Variants in MTCL1 observed in about 807,000 individuals in gnomAD.
MTCL1 encodes microtubule cross-linking factor 1.
In MTCL1, 79 loss-of-function variants were observed where a neutral mutation model predicts 141.4. The observed-to-expected ratio is 0.56, with a 90% CI of 0.47 to 0.67. MTCL1 has a LOEUF of 0.67. Ranked by LOEUF, MTCL1 falls within the 30% of genes least tolerant of loss-of-function variation. MTCL1 has a pLI of 0.00. For missense variants in MTCL1, 2,177 were observed against 2,113.9 expected, an observed-to-expected ratio of 1.03 and a Z score of -0.59; for synonymous variants, 914 against 875.8, an observed-to-expected ratio of 1.04 and a Z score of -0.77.
At chr18:8,727,151 CG>C (rs1262339971) in intron 4 of MTCL1, among the ~76,000 whole-genome samples, 3 of 152,088 alleles carry the variant, frequency 2.0e-5, no homozygotes, top group Non-Finnish European at 4.4e-5. Flanking sequence ...TTTATTGCTG[CG>C]TAGTATTCCA....
chr18:8,731,522 C>T lies in MTCL1; in HGVS notation c.357+11026C>T, dbSNP rs183064471. ...CTGGGAGGCAGAGGTTGCAGTGAGC[C>T]AAGATCGCGTCATCGCACTCCAGCC... is the stretch of plus-strand genomic sequence containing the variant. On this transcript the variant is annotated intron_variant, in intron 4 of 16. Transcript: ENST00000359865. 4.0e-3 allele frequency among the ~76,000 whole-genome samples: 612 copies of T among 151,764 alleles called. 6 individuals are homozygous for T. The highest frequency in any genetic ancestry group is 0.014 in the African/African-American group (585 of 41,444).
At chr18:8,714,842 G>T (rs1291545514), upstream of MTCL1, among the ~76,000 whole-genome samples, 1 of 151,884 alleles carries the variant, frequency 6.6e-6, no homozygotes, top group Non-Finnish European at 1.5e-5. Flanking sequence ...CATCGCCCAG[G>T]CTGGAGTGCA....
At chr18:8,769,768 A>G (rs2096477074) in intron 4 of MTCL1, among the ~76,000 whole-genome samples, 1 of 151,816 alleles carries the variant, frequency 6.6e-6, no homozygotes, top group Non-Finnish European at 1.5e-5. Context: ...TCATGGCCCC[A>G]CTCTTCTTTA....
At chr18:8,745,182 T>G (rs949520330) in intron 4 of MTCL1, among the ~76,000 whole-genome samples, 4 of 152,340 alleles carry the variant, frequency 2.6e-5, no homozygotes, top group Admixed American at 2.0e-4. Context: ...TTATGTAAAC[T>G]AAATAATTTA....
In MTCL1 at chr18:8,720,870, A is replaced by G. The variant is rs528313978; in HGVS notation, c.357+374A>G. 1.3e-4 allele frequency among the ~76,000 whole-genome samples: 19 copies of G among 150,914 alleles called. No homozygotes were observed. The East Asian group carries it at 3.7e-3, about 29-fold the overall frequency. The stretch of plus-strand genomic sequence containing the variant: ...ACCATTAATTCCTTTGATGTGTCCA[A>G]GTGGAGCCTATTATTGCTAGAATAC... On this transcript the variant is annotated intron_variant, in intron 4 of 16. Transcript: ENST00000359865.
At chr18:8,801,630 A>G (rs1364596428) in intron 10 of MTCL1, 1 of 152,296 alleles carries the variant, frequency 6.6e-6, no homozygotes, top group South Asian at 2.1e-4. Flanking sequence ...AGAGTTAACC[A>G]TGGCCTGCAG....
At chr18:8,716,891 A>G (rs2096131747), upstream of MTCL1, among the ~76,000 whole-genome samples, 1 of 152,144 alleles carries the variant, frequency 6.6e-6, no homozygotes, top group Non-Finnish European at 1.5e-5. Flanking sequence ...CTCCTTCCAA[A>G]TTGTTCCTCC....
At position 8,705,961 on chromosome 18, in the gene MTCL1, A is replaced by G; in HGVS notation, c.301A>G (p.Ser101Gly). The change falls in exon 1 of 14, where the codon AGT becomes GGT. Residue 101 changes from serine to glycine, a missense_variant. Coordinates refer to the MTCL1 transcript ENST00000306329. This position sits in a 1 kb window ranked among gnomAD's most constrained non-coding sequence, Gnocchi z 5.2. ...CGCGCCCGGCCGCCTCTCTCGGCGC[A>G]GTGGCGGCGTCCCGGGCGCGAAGGA... 2 of 1,112,652 alleles carry G rather than the reference A, an allele frequency of 1.8e-6. No homozygotes were observed. Among genetic ancestry groups the G allele is most frequent in the Non-Finnish European group, 2.2e-6 (2 of 914,538 alleles). The allele number at this position is 1,112,652 out of a possible 1,614,324, so 68.9% of individuals were successfully genotyped here.
exon 15 of MTCL1, chr18:8,826,169 G>C (rs763449523): frequency 1.2e-6 from 2 of 1,612,280 alleles, no homozygotes; most frequent in African/African-American, 2.7e-5. Context: ...CTGCCCACGG[G>C]CCCCCGGGTC....
intron 4 of MTCL1, among the ~76,000 whole-genome samples, chr18:8,753,573 C>T (rs1328981716): frequency 3.3e-5 from 5 of 152,222 alleles, no homozygotes; most frequent in African/African-American, 1.2e-4. Flanking sequence ...CCCTGACTCC[C>T]TGGTCCTTTT....
At chr18:8,720,433 G>A (rs2148812911) in exon 4 of MTCL1, 1 of 1,614,156 alleles carries the variant, frequency 6.2e-7, no homozygotes. Context: ...CTCTCCGACA[G>A]CAGATGATTG....
chr18:8,775,296 C>T (rs866248639), intron 4 of MTCL1, among the ~76,000 whole-genome samples: 1 of 151,694 alleles, frequency 6.6e-6, no homozygotes, highest in African/African-American at 2.4e-5. Flanking sequence ...TCTGGCCGGG[C>T]ACGGTGGCTC....
At chr18:8,765,005 G>C (rs1398061597) in intron 4 of MTCL1, among the ~76,000 whole-genome samples, 1 of 152,190 alleles carries the variant, frequency 6.6e-6, no homozygotes, top group East Asian at 1.9e-4. Flanking sequence ...GCCTATGTAG[G>C]TATGTGACTA....
chr18:8,746,783 G>A (rs1055460730), intron 4 of MTCL1, among the ~76,000 whole-genome samples: 4 of 151,936 alleles, frequency 2.6e-5, no homozygotes, highest in African/African-American at 9.7e-5. Flanking sequence ...TATGGATGTG[G>A]GATTATTAAA....
intron 4 of MTCL1, among the ~76,000 whole-genome samples, chr18:8,766,315 C>G (rs2096459609): frequency 6.6e-6 from 1 of 152,158 alleles, no homozygotes; most frequent in African/African-American, 2.4e-5. Flanking sequence ...CCACCGAGCT[C>G]CCCACTAGGT....
chr18:8,741,216 C>T (rs2096301410), intron 4 of MTCL1, among the ~76,000 whole-genome samples: 1 of 152,174 alleles, frequency 6.6e-6, no homozygotes, highest in Non-Finnish European at 1.5e-5. Context: ...GATGTCTGGA[C>T]TGCAGGACCC....
At chr18:8,732,210 G>A (rs1022546505) in intron 4 of MTCL1, among the ~76,000 whole-genome samples, 4 of 151,764 alleles carry the variant, frequency 2.6e-5, no homozygotes, top group Non-Finnish European at 2.9e-5. Flanking sequence ...TCACCCTCCC[G>A]AGTAGCTGAG....
intron 1 of MTCL1, among the ~76,000 whole-genome samples, chr18:8,709,200 G>GTT (rs34472352): frequency 1.0e-4 from 15 of 150,622 alleles, no homozygotes; most frequent in South Asian, 8.4e-4. Flanking sequence ...GTTTTTTGTG[G>GTT]TTTTTTTTTG....
chr18:8,789,756 C>G, intron 7 of MTCL1: 1 of 960,766 alleles, frequency 1.0e-6, no homozygotes, highest in Non-Finnish European at 1.2e-6. Context: ...TTTTTAGAAT[C>G]AAACCTTTGG....
Sources: gnomAD v4.1 joint callset for allele counts (sites outside exome capture counted in the v4.1 genomes callset) on GRCh38, gnomAD v4.1.1 for gene constraint, Gnocchi (gnomAD v3.1) non-coding constraint, MANE v1.5 for transcripts, NCBI Gene and HGNC (gene_info 2026-07-23, HGNC 2026-07-21) for gene names.